The following ARHGAP44 variants were observed in gnomAD, a reference collection of about 807,000 sequenced individuals.
ARHGAP44 encodes rho GTPase-activating protein 44.
ARHGAP44 carries 43 observed loss-of-function variants against 106.8 expected under a neutral mutation model. That is an observed-to-expected ratio of 0.40 (90% CI 0.32 to 0.52). The LOEUF (loss-of-function observed/expected upper bound fraction) is 0.52. ARHGAP44 is among the 20% of genes least tolerant of loss of function. The pLI is 0.48. For missense variants in ARHGAP44, 866 were observed against 1,050.5 expected (o/e 0.82, Z 2.43); for synonymous variants, 439 against 410.3 (o/e 1.07, Z -0.85).
At chr17:12,813,172 G>T (rs1828888780) in intron 1 of ARHGAP44, among the ~76,000 whole-genome samples, 1 of 152,156 alleles carries the variant, frequency 6.6e-6, no homozygotes, top group South Asian at 2.1e-4. Context: ...TGCCCTGGGT[G>T]GGAGTGGAAG....
chr17:12,930,160 T>A (rs923869630), intron 7 of ARHGAP44, among the ~76,000 whole-genome samples: 7 of 152,214 alleles, frequency 4.6e-5, no homozygotes, highest in Non-Finnish European at 8.8e-5. Flanking sequence ...GCGTGTGTGG[T>A]ATTCCTGAAG....
rs577985063 is a variant in ARHGAP44, at chr17:12,895,899, A to C, written c.94-508A>C. Among the ~76,000 whole-genome samples, 13 of 152,304 alleles carry C rather than the reference A, an allele frequency of 8.5e-5. No homozygotes were observed. In the South Asian group the frequency reaches 2.7e-3, roughly 32 times the overall value. On this transcript the variant is annotated intron_variant, in intron 2 of 20. Transcript: ENST00000379672. ...TGGATTAAGAAAATGTGGCACATGT[A>C]AGCCATGGAATACTATGCAGCCATA...
At chr17:12,959,011 T>G (rs2039195766) in intron 16 of ARHGAP44, 114 bp downstream of exon 16, 1 of 1,260,126 alleles carries the variant, frequency 7.9e-7, no homozygotes, top group Non-Finnish European at 1.1e-6. Flanking sequence ...TCTCAGCAGT[T>G]TAGGTGACTC....
At chr17:12,865,090 A>G (rs2036197056) in intron 1 of ARHGAP44, among the ~76,000 whole-genome samples, 1 of 152,196 alleles carries the variant, frequency 6.6e-6, no homozygotes, top group East Asian at 1.9e-4. Context: ...AAGTCAGGCA[A>G]GGTGAATGAA....
chr17:12,793,426 G>T (rs981550628), intron 1 of ARHGAP44, among the ~76,000 whole-genome samples: 2 of 152,072 alleles, frequency 1.3e-5, no homozygotes, highest in Non-Finnish European at 2.9e-5. Flanking sequence ...CTGCATTCTA[G>T]GCCGGGCGTG....
chr17:12,842,008 A>C (rs796351097), intron 1 of ARHGAP44, among the ~76,000 whole-genome samples: 19 of 152,274 alleles, frequency 1.2e-4, no homozygotes, highest in African/African-American at 4.3e-4. Context: ...GTAATTCTGC[A>C]TGACCTCTGA....
intron 1 of ARHGAP44, 113 bp downstream of exon 1, chr17:12,790,004 C>G: frequency 9.7e-7 from 1 of 1,031,810 alleles, no homozygotes; most frequent in Non-Finnish European, 1.3e-6. Context: ...CAGTCCTTTC[C>G]CCTGCACCAG....
intron 3 of ARHGAP44, among the ~76,000 whole-genome samples, chr17:12,906,531 G>C (rs1264194159): frequency 2.0e-4 from 31 of 152,190 alleles, no homozygotes; most frequent in Admixed American, 2.0e-4. Flanking sequence ...AAACACTTTA[G>C]TTGTATTTAT....
chr17:12,878,584 T>G (rs1161458545), intron 1 of ARHGAP44, among the ~76,000 whole-genome samples: 1 of 152,240 alleles, frequency 6.6e-6, no homozygotes, highest in African/African-American at 2.4e-5. Context: ...TTTACAAAGA[T>G]GAGACCTAAA....
intron 1 of ARHGAP44, among the ~76,000 whole-genome samples, chr17:12,818,181 G>A (rs1488010506): frequency 6.6e-6 from 1 of 151,568 alleles, no homozygotes; most frequent in East Asian, 1.9e-4. Context: ...TGTATGGTTG[G>A]GCCAACATTC....
At chr17:12,818,303 G>C (rs1398414351) in intron 1 of ARHGAP44, among the ~76,000 whole-genome samples, 1 of 117,114 alleles carries the variant, frequency 8.5e-6, no homozygotes, top group African/African-American at 3.4e-5. Flanking sequence ...GAATTATTAG[G>C]AATTTTAAAC....
At chr17:12,983,265 A>AAG (rs1491193274) in intron 19 of ARHGAP44, among the ~76,000 whole-genome samples, 2 of 7,918 alleles carry the variant, frequency 2.5e-4, no homozygotes, top group African/African-American at 4.8e-4. Flanking sequence ...ACTCCATCTT[A>AAG]AAAAAAAAAA....
At chr17:12,984,383 C>CG (rs917921556) in intron 19 of ARHGAP44, 148 bp from the exon 20 acceptor site, 9 of 681,722 alleles carry the variant, frequency 1.3e-5, no homozygotes, top group South Asian at 1.2e-4. Context: ...GGCAAGAGGC[C>CG]GGGGGGCAGG....
In ARHGAP44 at chr17:12,837,921, A is replaced by G. The variant is rs143683165; in HGVS notation, c.53+48030A>G. Among the ~76,000 whole-genome samples the G allele has an allele frequency of 3.7e-3, 561 of 152,232 alleles. 1 individual carries two copies. The highest frequency in any genetic ancestry group is 0.011 in the African/African-American group (454 of 41,546). The stretch of plus-strand genomic sequence containing the variant: ...TATTTGAAGATGATCAATGTGCTCC[A>G]TTGAGAACCCATCCTTTGACTTCTC... On this transcript the variant is annotated intron_variant, in intron 1 of 20. Coordinates refer to ENST00000379672, the MANE Select transcript of ARHGAP44 (RefSeq NM_014859.6).
chr17:12,804,698 T>A (rs1316990536), intron 1 of ARHGAP44, among the ~76,000 whole-genome samples: 1 of 152,226 alleles, frequency 6.6e-6, no homozygotes, highest in East Asian at 1.9e-4. Flanking sequence ...ATTAAGCTAT[T>A]GCCTCTCCTT....
intron 1 of ARHGAP44, among the ~76,000 whole-genome samples, chr17:12,817,600 A>G (rs1158933449): frequency 6.6e-6 from 1 of 152,080 alleles, no homozygotes; most frequent in Non-Finnish European, 1.5e-5. Flanking sequence ...GATGTTTTGA[A>G]AAGATCGATA....
At chr17:12,858,964 C>T (rs748543639) in intron 1 of ARHGAP44, among the ~76,000 whole-genome samples, 14 of 152,232 alleles carry the variant, frequency 9.2e-5, no homozygotes, top group South Asian at 4.1e-4. Context: ...CTTACTACCA[C>T]GAGAACAGTA....
intron 1 of ARHGAP44, among the ~76,000 whole-genome samples, chr17:12,856,808 T>C (rs982185803): frequency 1.3e-5 from 2 of 152,204 alleles, no homozygotes; most frequent in Non-Finnish European, 2.9e-5. Flanking sequence ...GCTTTAACAA[T>C]CTGATGCTTA....
chr17:12,859,936 A>G (rs925778687), intron 1 of ARHGAP44, among the ~76,000 whole-genome samples: 2 of 152,160 alleles, frequency 1.3e-5, no homozygotes, highest in East Asian at 1.9e-4. Flanking sequence ...TCTGTGGTTC[A>G]TGAAAAAAAA....
Sources: allele counts gnomAD v4.1 joint callset (sites outside exome capture counted in the v4.1 genomes callset), GRCh38; gene constraint gnomAD v4.1.1; transcripts MANE v1.5; gene names NCBI Gene and HGNC (gene_info 2026-07-23, HGNC 2026-07-21).